Variants in CNTNAP3B observed in about 807,000 individuals in gnomAD.
CNTNAP3B encodes the protein contactin associated protein family member 3B.
Under a neutral mutation model 108.9 loss-of-function variants are expected in CNTNAP3B, and 25 were observed. The ratio of observed to expected loss-of-function variants is 0.23; its 90% confidence interval spans 0.17 to 0.32. The LOEUF (loss-of-function observed/expected upper bound fraction) is 0.32, where lower values mean the gene tolerates loss of function less well. Ranked by LOEUF, CNTNAP3B falls within the 10% of genes least tolerant of loss-of-function variation. The probability of loss-of-function intolerance (pLI) is 1.00; values close to 1 mark genes in which losing one functional copy is unlikely to be tolerated. For synonymous variants in CNTNAP3B, 103 were observed against 473.4 expected, an observed-to-expected ratio of 0.22 and a Z score of 10.16; for missense variants, 252 against 1,210.4, an observed-to-expected ratio of 0.21 and a Z score of 11.75.
chr9:41,947,757 A>T (rs1307366323), intron 13 of CNTNAP3B, among the ~76,000 whole-genome samples: 1 of 152,224 alleles, frequency 6.6e-6, no homozygotes, highest in Admixed American at 6.5e-5. Context: ...TCTAAAAAAC[A>T]GTAAGATTGA....
At chr9:42,040,445 GACAA>G (rs1169719748) in intron 3 of CNTNAP3B, among the ~76,000 whole-genome samples, 4 of 116,236 alleles carry the variant, frequency 3.4e-5, no homozygotes, top group Non-Finnish European at 5.3e-5. Flanking sequence ...ACCAATAACA[GACAA>G]ACAGAGAGCC....
In CNTNAP3B at chr9:42,067,921, TTTTG is replaced by T. The variant is rs1040049599; in HGVS notation, c.390+8944_390+8947del. ...GTTCATCAGAAACTAGAATATTCACTTTTGTTTAAGTAAAACTTTCACTAATTAT... is the reference window on the plus strand; with the variant it reads ...GTTCATCAGAAACTAGAATATTCACTTTTAAGTAAAACTTTCACTAATTAT... On this transcript the variant is annotated intron_variant, in intron 3 of 23. Coordinates refer to ENST00000377561, the MANE Select transcript of CNTNAP3B (RefSeq NM_001201380.3). Among the ~76,000 whole-genome samples the T allele has an allele frequency of 9.9e-5, 13 of 130,844 alleles. 1 individual carries two copies. Among genetic ancestry groups the T allele is most frequent in the Non-Finnish European group, 1.6e-4 (10 of 62,204 alleles). 85.8% of individuals were successfully genotyped at this position (130,844 alleles called of 152,430 possible).
chr9:41,941,142 A>C (rs1824330288), intron 13 of CNTNAP3B, among the ~76,000 whole-genome samples: 1 of 151,132 alleles, frequency 6.6e-6, no homozygotes, highest in Non-Finnish European at 1.5e-5. Flanking sequence ...ATGAGAGTGA[A>C]GATATTTAAG....
chr9:42,104,663 G>A lies in CNTNAP3B; in HGVS notation c.162C>T (p.His54=), dbSNP rs542977690. ...GATTAAGCCTTGAAAACCCCGGGCC[G>A]TGGCTGCTGGACAGCTCTGAGGAGC... The part of the protein sequence containing the change: ...FSSSSELSSS[H]GPGFSRLNRR... The change falls in exon 2 of 24, where the codon CAC becomes CAT. Residue 54 remains histidine (H), a synonymous_variant. Coordinates refer to ENST00000377561, the MANE Select transcript of CNTNAP3B (RefSeq NM_001201380.3). 4.8e-3 allele frequency: 5,881 copies of A among 1,231,900 alleles called. 1,125 individuals are homozygous for A. In the Admixed American group the frequency reaches 0.092, roughly 19 times the overall value. The allele number at this position is 1,231,900 out of a possible 1,614,324, so 76.3% of individuals were successfully genotyped here. A position where few individuals can be genotyped will look rare whatever the true frequency, so the allele number is the denominator to read the frequency against.
rs1272054235 is a variant in CNTNAP3B, at chr9:42,029,268, A to C, written c.391-15743T>G. 2.2e-4 allele frequency among the ~76,000 whole-genome samples: 25 copies of C among 115,474 alleles called. 3 individuals are homozygous for C. Among genetic ancestry groups the C allele is most frequent in the Middle Eastern group, 4.0e-3 (1 of 250 alleles). The allele number at this position is 115,474 out of a possible 152,430, so 75.8% of individuals were successfully genotyped here. A position where few individuals can be genotyped will look rare whatever the true frequency, so the allele number is the denominator to read the frequency against. On this transcript the variant is annotated intron_variant, in intron 3 of 23. Transcript: ENST00000377561. ...AATGTACCTGATGGAGTAATTAAAC[A>C]AAAAAGTTCCCATTTTTAATATGTC...
intron 10 of CNTNAP3B, among the ~76,000 whole-genome samples, chr9:41,968,430 G>T (rs1430774322): frequency 7.1e-6 from 1 of 140,190 alleles, no homozygotes; most frequent in Non-Finnish European, 1.5e-5. Flanking sequence ...TCTGGAGCTG[G>T]TGTTGAGATG....
rs1329131091 is a variant in CNTNAP3B at position 42,107,791 on chromosome 9, C to T, written c.86-3052G>A. Among the ~76,000 whole-genome samples, 5 of 134,820 alleles carry T rather than the reference C, an allele frequency of 3.7e-5. 1 individual carries two copies. The highest frequency in any genetic ancestry group is 4.6e-4 in the East Asian group (2 of 4,342). 88.4% of individuals were successfully genotyped at this position (134,820 alleles called of 152,430 possible). A position where few individuals can be genotyped will look rare whatever the true frequency, so the allele number is the denominator to read the frequency against. On this transcript the variant is annotated intron_variant, in intron 1 of 23. Transcript: ENST00000377561. ...GAGATCGAGACCATCCTGGCTAATACGGTGAAACCCCGTCTCTACTAAAAA... is the reference window on the plus strand; with the variant it reads ...GAGATCGAGACCATCCTGGCTAATATGGTGAAACCCCGTCTCTACTAAAAA...
intron 14 of CNTNAP3B, among the ~76,000 whole-genome samples, chr9:41,933,758 A>G (rs1474821333): frequency 6.6e-6 from 1 of 152,390 alleles, no homozygotes; most frequent in East Asian, 1.9e-4. Context: ...ACTTACATCT[A>G]TTTTATTTCC....
intron 14 of CNTNAP3B, among the ~76,000 whole-genome samples, chr9:41,935,268 C>T (rs1824121948): frequency 6.6e-6 from 1 of 152,182 alleles, no homozygotes; most frequent in Non-Finnish European, 1.5e-5. Context: ...AGACGAGTTG[C>T]TGATTACAGG....
chr9:42,042,993 A>T (rs1297928458), intron 3 of CNTNAP3B, among the ~76,000 whole-genome samples: 3 of 149,898 alleles, frequency 2.0e-5, no homozygotes, highest in African/African-American at 7.5e-5. Context: ...TCAAATCATC[A>T]TCATCATCAT....
intron 15 of CNTNAP3B, among the ~76,000 whole-genome samples, chr9:41,927,963 A>G (rs1345338546): frequency 1.5e-5 from 2 of 133,894 alleles, no homozygotes. Context: ...AATGAAACAA[A>G]GTATTCAAAG....
chr9:42,112,833 C>T (rs1276615225), intron 1 of CNTNAP3B, among the ~76,000 whole-genome samples: 2 of 130,848 alleles, frequency 1.5e-5, no homozygotes, highest in African/African-American at 3.1e-5. Context: ...ACAAAAGACA[C>T]AACACAAATG....
intron 4 of CNTNAP3B, among the ~76,000 whole-genome samples, chr9:42,007,239 A>T: frequency 1.5e-5 from 1 of 64,738 alleles, no homozygotes. Context: ...ATATATGTAC[A>T]CATATACACA....
At chr9:42,111,954 C>T (rs1828200503) in intron 1 of CNTNAP3B, among the ~76,000 whole-genome samples, 1 of 138,988 alleles carries the variant, frequency 7.2e-6, no homozygotes, top group Admixed American at 7.2e-5. Context: ...CACAAACAGC[C>T]ATATCAACGA....
intron 15 of CNTNAP3B, among the ~76,000 whole-genome samples, chr9:41,927,433 G>T (rs1823851177): frequency 1.4e-5 from 2 of 141,248 alleles, no homozygotes; most frequent in Non-Finnish European, 3.1e-5. Context: ...AGAAAGAAAA[G>T]AAAGAGAGAG....
chr9:42,071,746 C>T (rs1455292224), intron 3 of CNTNAP3B, among the ~76,000 whole-genome samples: 1 of 114,278 alleles, frequency 8.8e-6, no homozygotes, highest in Non-Finnish European at 1.8e-5. Context: ...TACTCTGAAG[C>T]TGTGACTGAC....
chr9:42,022,365 TC>T (rs1312266247), intron 3 of CNTNAP3B, among the ~76,000 whole-genome samples: 2 of 34,546 alleles, frequency 5.8e-5, no homozygotes, highest in Admixed American at 3.5e-4. Flanking sequence ...GCCTAGCCAC[TC>T]CCCGCCCTTT....
chr9:41,917,379 T>C lies in CNTNAP3B; in HGVS notation c.2995+2691A>G, dbSNP rs1310779953. On this transcript the variant is annotated intron_variant, in intron 18 of 23. Coordinates refer to ENST00000377561, the MANE Select transcript of CNTNAP3B (RefSeq NM_001201380.3). ...TAATTGCTTACTGCCAATATCTTCA[T>C]ACCACTAGCTTAAACTGATCCATGC... is the stretch of plus-strand genomic sequence containing the variant. Among the ~76,000 whole-genome samples, 2 of 141,142 alleles carry C rather than the reference T, an allele frequency of 1.4e-5. 1 individual carries two copies. The highest frequency in any genetic ancestry group is 5.6e-5 in the African/African-American group (2 of 35,936). 92.6% of individuals were successfully genotyped at this position (141,142 alleles called of 152,430 possible).
intron 3 of CNTNAP3B, among the ~76,000 whole-genome samples, chr9:42,062,105 A>G (rs2118572019): frequency 2.1e-5 from 1 of 46,802 alleles, no homozygotes; most frequent in African/African-American, 7.1e-5. Context: ...GCAGTGGTGC[A>G]ATCTCAGCTC....
Sources: gnomAD v4.1 joint callset for allele counts (sites outside exome capture counted in the v4.1 genomes callset) on GRCh38, gnomAD v4.1.1 for gene constraint, MANE v1.5 for transcripts, NCBI Gene and HGNC (gene_info 2026-07-23, HGNC 2026-07-21) for gene names.